The following CNOT4 variants were observed in gnomAD, a reference collection of about 807,000 sequenced individuals.
CNOT4 encodes the protein CCR4-associated factor 4.
Under a neutral mutation model 73.8 loss-of-function variants are expected in CNOT4, and 8 were observed. That is an observed-to-expected ratio of 0.11 (90% CI 0.06 to 0.20). The LOEUF is 0.20. Among genes scored for constraint, CNOT4 ranks in the 10% least tolerant of loss-of-function variants. The probability of loss-of-function intolerance (pLI) is 1.00; values close to 1 mark genes in which losing one functional copy is unlikely to be tolerated. For missense variants in CNOT4, 564 were observed against 883.4 expected, an observed-to-expected ratio of 0.64 and a Z score of 4.58; for synonymous variants, 293 against 321.1, an observed-to-expected ratio of 0.91 and a Z score of 0.94.
intron 1 of CNOT4, among the ~76,000 whole-genome samples, chr7:135,468,125 A>G (rs911227040): frequency 6.6e-6 from 1 of 152,080 alleles, no homozygotes; most frequent in African/African-American, 2.4e-5. Flanking sequence ...CTGAGGCAGG[A>G]GAATGGCGTG....
chr7:135,480,087 T>C (rs374814632), intron 1 of CNOT4, among the ~76,000 whole-genome samples: 1 of 152,258 alleles, frequency 6.6e-6, no homozygotes, highest in Non-Finnish European at 1.5e-5. Flanking sequence ...TTTTAGGATT[T>C]TGAAATTATG....
intron 9 of CNOT4, among the ~76,000 whole-genome samples, chr7:135,394,726 A>T (rs1796586530): frequency 1.3e-5 from 2 of 152,194 alleles, no homozygotes; most frequent in South Asian, 4.1e-4. Context: ...AACCTAAGTC[A>T]CTTCCATCAA....
At chr7:135,420,834 T>TAA (rs535666272) in intron 3 of CNOT4, among the ~76,000 whole-genome samples, 3 of 147,878 alleles carry the variant, frequency 2.0e-5, no homozygotes, top group African/African-American at 7.4e-5. Flanking sequence ...ACCACTAGCT[T>TAA]AAAAAAAAAA....
At chr7:135,380,115 T>C (rs1478060069) in intron 10 of CNOT4, among the ~76,000 whole-genome samples, 2 of 151,832 alleles carry the variant, frequency 1.3e-5, no homozygotes, top group African/African-American at 4.8e-5. Flanking sequence ...AACAACTTCC[T>C]TGATTGGGGA....
At position 135,472,471 on chromosome 7, in the gene CNOT4, C is replaced by T. The variant is rs1447635559; in HGVS notation, c.-92-34048G>A. The stretch of plus-strand genomic sequence containing the variant: ...CAGCCCGGGCGACAGAGCGAGACAC[C>T]GACTCAAAAAAAAAAAAAAAAAAAA... On this transcript the variant is annotated intron_variant, in intron 1 of 11. Coordinates refer to ENST00000541284, the MANE Select transcript of CNOT4 (RefSeq NM_001190850.2). Among the ~76,000 whole-genome samples the T allele has an allele frequency of 1.5e-4, 9 of 59,872 alleles. No homozygotes were observed. The Admixed American group carries it at 3.0e-3, about 20-fold the overall frequency. 39.3% of individuals were successfully genotyped at this position (59,872 alleles called of 152,430 possible). A position where few individuals can be genotyped will look rare whatever the true frequency, so the allele number is the denominator to read the frequency against.
At chr7:135,501,104 C>A (rs1803935374) in intron 1 of CNOT4, among the ~76,000 whole-genome samples, 2 of 151,906 alleles carry the variant, frequency 1.3e-5, no homozygotes, top group South Asian at 4.1e-4. Context: ...CTAGCCTCAG[C>A]CTCCCAAGTA....
intron 1 of CNOT4, among the ~76,000 whole-genome samples, chr7:135,453,838 A>G (rs1800343365): frequency 7.2e-6 from 1 of 139,328 alleles, no homozygotes; most frequent in South Asian, 2.2e-4. Context: ...ATATATATAT[A>G]TATATATATT....
At position 135,509,886 on chromosome 7, in the gene CNOT4, C is replaced by A. The variant is rs1219279667; in HGVS notation, c.-93+3G>T. ...CCCTAAGCCCAGCCCCGCATAGACT[C>A]ACCCGCCTGCCTTGCCTCGCTTTTC... On this transcript the variant is annotated splice_donor_region_variant and intron_variant, in intron 1 of 11. Transcript: ENST00000541284. 7.6e-6 allele frequency: 3 copies of A among 395,698 alleles called. No individual in the cohort carries two copies. The highest frequency in any genetic ancestry group is 1.3e-5 in the Non-Finnish European group (3 of 224,654). 24.5% of individuals were successfully genotyped at this position (395,698 alleles called of 1,614,324 possible).
chr7:135,426,009 C>T (rs1473394964), intron 2 of CNOT4, among the ~76,000 whole-genome samples: 2 of 151,856 alleles, frequency 1.3e-5, no homozygotes, highest in Non-Finnish European at 2.9e-5. Flanking sequence ...AGGAGGATTG[C>T]AAGACAGCCT....
intron 7 of CNOT4, among the ~76,000 whole-genome samples, chr7:135,406,574 T>C (rs1387387781): frequency 1.3e-5 from 2 of 152,050 alleles, no homozygotes; most frequent in African/African-American, 4.8e-5. Context: ...GGTGGGATGA[T>C]CGTTTGAGCC....
At chr7:135,438,474 G>T in intron 1 of CNOT4, 51 bp from the exon 2 acceptor site, 1 of 558,432 alleles carries the variant, frequency 1.8e-6, no homozygotes, top group Non-Finnish European at 2.9e-6. Flanking sequence ...AAATGGCACA[G>T]TCAACAATTA....
chr7:135,372,530 T>C (rs1009760668), intron 10 of CNOT4, among the ~76,000 whole-genome samples: 3 of 151,736 alleles, frequency 2.0e-5, no homozygotes, highest in African/African-American at 4.8e-5. Flanking sequence ...TTCCCAAACA[T>C]ATAACCCTGA....
intron 1 of CNOT4, among the ~76,000 whole-genome samples, chr7:135,475,560 T>G (rs1261301498): frequency 6.6e-6 from 1 of 152,138 alleles, no homozygotes; most frequent in African/African-American, 2.4e-5. Context: ...TTCAATAAAG[T>G]AAATGTTCAT....
intron 7 of CNOT4, among the ~76,000 whole-genome samples, chr7:135,400,939 T>A (rs1393725112): frequency 1.3e-5 from 2 of 152,218 alleles, no homozygotes; most frequent in Non-Finnish European, 2.9e-5. Context: ...TTACTTCCTA[T>A]GTGGACTATA....
chr7:135,376,577 C>T (rs3812274), intron 10 of CNOT4, among the ~76,000 whole-genome samples: 76,204 of 151,880 alleles, frequency 0.5, 19,286 homozygotes, highest in Middle Eastern at 0.6. Flanking sequence ...TGGTTATATA[C>T]CTATTGAAAT....
At chr7:135,503,621 A>G (rs985299710) in intron 1 of CNOT4, among the ~76,000 whole-genome samples, 1 of 152,244 alleles carries the variant, frequency 6.6e-6, no homozygotes, top group African/African-American at 2.4e-5. Context: ...TAACGTCTTT[A>G]TATCATTTTA....
chr7:135,403,968 C>T (rs889769940), intron 7 of CNOT4, among the ~76,000 whole-genome samples: 3 of 152,148 alleles, frequency 2.0e-5, no homozygotes, highest in Non-Finnish European at 4.4e-5. Context: ...TAAACAAGGG[C>T]ACACACAACC....
chr7:135,415,100 C>G, intron 4 of CNOT4, 76 bp downstream of exon 4: 1 of 846,232 alleles, frequency 1.2e-6, no homozygotes, highest in South Asian at 1.5e-5. Context: ...TCAGAGAGAG[C>G]AAAGTTTCCT....
intron 8 of CNOT4, 135 bp from the exon 9 acceptor site, chr7:135,396,018 G>A (rs992228997): frequency 5.1e-6 from 3 of 591,122 alleles, no homozygotes; most frequent in African/African-American, 3.8e-5. Context: ...ATGAAAGCAT[G>A]AAGTTTCAGA....
Sources: gnomAD v4.1 joint callset for allele counts (sites outside exome capture counted in the v4.1 genomes callset) on GRCh38, gnomAD v4.1.1 for gene constraint, MANE v1.5 for transcripts, NCBI Gene and HGNC (gene_info 2026-07-23, HGNC 2026-07-21) for gene names.